MAP3K7CL: variants seen among roughly 807,000 people sequenced by gnomAD.
MAP3K7CL encodes MAP3K7 C-terminal-like protein.
In MAP3K7CL, 16 loss-of-function variants were observed where a neutral mutation model predicts 18.6. The ratio of observed to expected loss-of-function variants is 0.86; its 90% CI spans 0.58 to 1.31. MAP3K7CL has a LOEUF of 1.31. Among genes scored for constraint, MAP3K7CL ranks in the 50% most tolerant of loss-of-function variants. The pLI is 0.00. For missense variants in MAP3K7CL, 163 were observed against 174.4 expected (o/e 0.93, Z 0.37); for synonymous variants, 65 against 66.8 (o/e 0.97, Z 0.13).
intron 1 of MAP3K7CL, chr21:29,085,921 T>G (rs369959983): frequency 4.3e-6 from 7 of 1,614,144 alleles, no homozygotes; most frequent in Non-Finnish European, 5.9e-6. Context: ...TCTTAAGGTA[T>G]GTCCGCCTTC....
chr21:29,102,838 A>T (rs780889851), intron 4 of MAP3K7CL, among the ~76,000 whole-genome samples: 3 of 152,130 alleles, frequency 2.0e-5, no homozygotes, highest in Non-Finnish European at 4.4e-5. Context: ...TGGTGAGGGC[A>T]CTCAAGCAAC....
intron 4 of MAP3K7CL, among the ~76,000 whole-genome samples, chr21:29,101,032 A>G (rs896289539): frequency 6.8e-6 from 1 of 147,484 alleles, no homozygotes; most frequent in African/African-American, 2.5e-5. Context: ...TTTTTTTTTA[A>G]TTAGTCTGTC....
chr21:29,100,989 G>A (rs566168688), intron 4 of MAP3K7CL, among the ~76,000 whole-genome samples: 22 of 151,760 alleles, frequency 1.4e-4, no homozygotes, highest in South Asian at 2.1e-4. Context: ...TGGGATTACA[G>A]GCATGAGCCA....
intron 2 of MAP3K7CL, among the ~76,000 whole-genome samples, chr21:29,135,938 C>T (rs2146638706): frequency 6.6e-6 from 1 of 152,220 alleles, no homozygotes; most frequent in Middle Eastern, 3.4e-3. Flanking sequence ...AGAAAGGGCA[C>T]CTACCTGGAG....
intron 3 of MAP3K7CL, among the ~76,000 whole-genome samples, chr21:29,150,813 A>C: frequency 7.8e-6 from 1 of 128,376 alleles, no homozygotes; most frequent in Admixed American, 9.2e-5. Flanking sequence ...TTGGTCACCC[A>C]GGCTGGAGTG....
At chr21:29,091,039 C>G (rs983541570) in intron 1 of MAP3K7CL, among the ~76,000 whole-genome samples, 5 of 151,538 alleles carry the variant, frequency 3.3e-5, no homozygotes, top group African/African-American at 1.2e-4. Flanking sequence ...TTTTTGGTAC[C>G]AAATCTTTGA....
chr21:29,087,483 G>A (rs1368479629), intron 1 of MAP3K7CL, among the ~76,000 whole-genome samples: 2 of 151,984 alleles, frequency 1.3e-5, no homozygotes, highest in East Asian at 1.9e-4. Flanking sequence ...TCAGTTTTTG[G>A]ATGAAGAAGC....
upstream of MAP3K7CL, among the ~76,000 whole-genome samples, chr21:29,084,625 T>C (rs1029682407): frequency 2.0e-5 from 3 of 152,252 alleles, no homozygotes; most frequent in African/African-American, 7.2e-5. Flanking sequence ...AGCAGTCTGC[T>C]AGAGCAATTA....
chr21:29,083,219 T>C (rs1232053760), upstream of MAP3K7CL, among the ~76,000 whole-genome samples: 1 of 152,212 alleles, frequency 6.6e-6, no homozygotes, highest in Non-Finnish European at 1.5e-5. Context: ...GAAGATAATT[T>C]CTAACCATTC....
chr21:29,142,267 A>G (rs536222150), intron 2 of MAP3K7CL, among the ~76,000 whole-genome samples: 1 of 152,104 alleles, frequency 6.6e-6, no homozygotes, highest in Non-Finnish European at 1.5e-5. Context: ...GGGTTTTGCC[A>G]TGTTACCTAG....
chr21:29,094,382 C>T (rs2086083916), intron 4 of MAP3K7CL, among the ~76,000 whole-genome samples: 1 of 152,222 alleles, frequency 6.6e-6, no homozygotes, highest in Non-Finnish European at 1.5e-5. Flanking sequence ...TGGCTGGACT[C>T]CATCCCAACA....
At chr21:29,141,145 A>T in intron 2 of MAP3K7CL, among the ~76,000 whole-genome samples, 1 of 152,224 alleles carries the variant, frequency 6.6e-6, no homozygotes, top group East Asian at 1.9e-4. Context: ...CAGTCAAAAT[A>T]TTCTAACAAC....
intron 4 of MAP3K7CL, among the ~76,000 whole-genome samples, chr21:29,114,660 G>C (rs2086475539): frequency 1.3e-5 from 2 of 152,156 alleles, no homozygotes; most frequent in Admixed American, 1.3e-4. Flanking sequence ...CAAAGTGCTG[G>C]GATTACAGGC....
intron 4 of MAP3K7CL, among the ~76,000 whole-genome samples, chr21:29,170,095 C>A (rs1165591390): frequency 1.3e-5 from 2 of 152,194 alleles, no homozygotes; most frequent in African/African-American, 4.8e-5. Context: ...TTCAGATCAT[C>A]TATTTATAAG....
At chr21:29,166,888 G>A (rs113448738) in intron 4 of MAP3K7CL, among the ~76,000 whole-genome samples, 16 of 152,312 alleles carry the variant, frequency 1.1e-4, no homozygotes, top group African/African-American at 3.6e-4. Flanking sequence ...TTTTGAGGTA[G>A]ACCTATGTTT....
intron 4 of MAP3K7CL, among the ~76,000 whole-genome samples, chr21:29,166,852 C>T (rs182612541): frequency 1.2e-4 from 18 of 152,254 alleles, no homozygotes; most frequent in East Asian, 3.9e-4. Flanking sequence ...TTGTGAATAA[C>T]GCTGCTATAA....
chr21:29,109,599 C>T, intron 4 of MAP3K7CL: 7 of 1,002,970 alleles, frequency 7.0e-6, no homozygotes, highest in Non-Finnish European at 8.3e-6. Context: ...ATGTAAATAG[C>T]ACATTATTCC....
chr21:29,085,404 A>C (rs143627837), upstream of MAP3K7CL, among the ~76,000 whole-genome samples: 1 of 152,142 alleles, frequency 6.6e-6, no homozygotes, highest in Non-Finnish European at 1.5e-5. Flanking sequence ...AGATCCCTGC[A>C]CCTTATTTAA....
chr21:29,151,078 C>T (rs1192089128), intron 3 of MAP3K7CL, among the ~76,000 whole-genome samples: 1 of 151,142 alleles, frequency 6.6e-6, no homozygotes, highest in Non-Finnish European at 1.5e-5. Flanking sequence ...CCTGCATTTT[C>T]TTCTGGTCTG....
Sources: gnomAD v4.1 joint callset for allele counts (sites outside exome capture counted in the v4.1 genomes callset) on GRCh38, gnomAD v4.1.1 for gene constraint, MANE v1.5 for transcripts, NCBI Gene and HGNC (gene_info 2026-07-23, HGNC 2026-07-21) for gene names.